The following LRRC74A variants were observed in gnomAD, a reference collection of about 807,000 sequenced individuals.
LRRC74A encodes the protein leucine rich repeat containing 74A.
In LRRC74A, 44 loss-of-function variants were observed where a neutral mutation model predicts 57.9. That is an observed-to-expected ratio of 0.76 (90% CI 0.60 to 0.98). LRRC74A has a LOEUF of 0.98. LRRC74A is among the 50% of genes least tolerant of loss of function. The probability of loss-of-function intolerance (pLI) is 0.00; values close to 1 mark genes in which losing one functional copy is unlikely to be tolerated. For missense variants in LRRC74A, 572 were observed against 574.0 expected (o/e 1.00, Z 0.04); for synonymous variants, 211 against 219.4 (o/e 0.96, Z 0.34).
intron 5 of LRRC74A, 22 bp from the exon 6 acceptor site, chr14:76,844,401 T>G (rs188020917): frequency 6.2e-7 from 1 of 1,610,584 alleles, no homozygotes; most frequent in South Asian, 1.1e-5. Flanking sequence ...AGTGCATCAC[T>G]GACACACCAC....
intron 9 of LRRC74A, 64 bp from the exon 10 acceptor site, chr14:76,857,316 C>A: frequency 2.0e-6 from 2 of 994,038 alleles, no homozygotes; most frequent in Non-Finnish European, 3.1e-6. Flanking sequence ...GATGTAGAAA[C>A]TGTGCTCTGG....
At chr14:76,837,302 A>C (rs150463246) in intron 4 of LRRC74A, among the ~76,000 whole-genome samples, 23 of 150,756 alleles carry the variant, frequency 1.5e-4, no homozygotes, top group Non-Finnish European at 4.5e-5. Context: ...GCCACTGGAC[A>C]CTGAAAAACG....
At chr14:76,831,540 CT>C (rs1490848991) in intron 3 of LRRC74A, among the ~76,000 whole-genome samples, 165 bp downstream of exon 3, 11 of 152,106 alleles carry the variant, frequency 7.2e-5, no homozygotes, top group African/African-American at 2.7e-4. Context: ...ATTTATTTAG[CT>C]CCTGGTAGGA....
chr14:76,826,640 G>A lies in LRRC74A; in HGVS notation c.-58G>A. The A allele has an allele frequency of 6.2e-7, 1 of 1,608,214 alleles. No homozygotes were observed. Among genetic ancestry groups the A allele is most frequent in the Non-Finnish European group, 8.5e-7 (1 of 1,177,566 alleles). On this transcript the variant is annotated 5_prime_UTR_variant, in exon 1 of 14. Transcript: ENST00000689127. ...GTGAATGGACAGGTGTGCTTCTTAG[G>A]GAAGCAGTCGAGAGGTGGCAAGAAG...
chr14:76,869,602 C>T (rs1426993278), intron 13 of LRRC74A, among the ~76,000 whole-genome samples: 1 of 151,762 alleles, frequency 6.6e-6, no homozygotes, highest in Non-Finnish European at 1.5e-5. Flanking sequence ...AAACACAAAA[C>T]TTAGTGAAAA....
rs545920922 is a variant in LRRC74A, at chr14:76,830,120, G to A, written c.167-1083G>A. Reference sequence around the variant, plus strand: ...ACCTGCAGTGCTGAGGCTGAGAAGCGCTGCTGTACAAGCGTCCCAAAGAGA... The same window carrying A: ...ACCTGCAGTGCTGAGGCTGAGAAGCACTGCTGTACAAGCGTCCCAAAGAGA... On this transcript the variant is annotated intron_variant, in intron 2 of 13. Coordinates refer to ENST00000689127, the MANE Select transcript of LRRC74A (RefSeq NM_001385106.1). Among the ~76,000 whole-genome samples the A allele has an allele frequency of 5.9e-5, 9 of 152,318 alleles. No homozygotes were observed. The East Asian group carries it at 1.3e-3, about 23-fold the overall frequency.
intron 7 of LRRC74A, among the ~76,000 whole-genome samples, chr14:76,851,714 G>A (rs1429867012): frequency 1.3e-5 from 2 of 148,606 alleles, no homozygotes; most frequent in East Asian, 4.0e-4. Flanking sequence ...TCGCCAGGCT[G>A]GAGTGCAGTG....
intron 5 of LRRC74A, 22 bp from the exon 6 acceptor site, chr14:76,844,401 T>C (rs188020917): frequency 6.2e-7 from 1 of 1,610,584 alleles, no homozygotes; most frequent in Non-Finnish European, 8.5e-7. Flanking sequence ...AGTGCATCAC[T>C]GACACACCAC....
At chr14:76,862,508 G>C (rs1296996031) in intron 11 of LRRC74A, among the ~76,000 whole-genome samples, 1 of 149,864 alleles carries the variant, frequency 6.7e-6, no homozygotes, top group Non-Finnish European at 1.5e-5. Flanking sequence ...CTGCACTCCA[G>C]CCTGGGCAAC....
intron 11 of LRRC74A, among the ~76,000 whole-genome samples, chr14:76,863,185 A>AGTGTGTGAGTGTGTGT (rs1555369211): frequency 3.4e-5 from 5 of 145,206 alleles, no homozygotes; most frequent in Non-Finnish European, 6.0e-5. Context: ...CATGCATGTG[A>AGTGTGTGAGTGTGTGT]GTGTGTGTGT....
At chr14:76,861,681 A>G (rs747077671) in intron 11 of LRRC74A, among the ~76,000 whole-genome samples, 8 of 152,220 alleles carry the variant, frequency 5.3e-5, no homozygotes, top group Non-Finnish European at 8.8e-5. Context: ...GCCGAAAGGG[A>G]TGTTATTGCT....
chr14:76,847,008 C>T (rs1321065581), intron 7 of LRRC74A, among the ~76,000 whole-genome samples: 2 of 152,006 alleles, frequency 1.3e-5, no homozygotes, highest in African/African-American at 2.4e-5. Context: ...AGGTGGCCGT[C>T]GAACTGACCT....
intron 7 of LRRC74A, among the ~76,000 whole-genome samples, chr14:76,848,132 G>A (rs1312674951): frequency 6.8e-6 from 1 of 146,832 alleles, no homozygotes; most frequent in Middle Eastern, 3.3e-3. Flanking sequence ...GAGATCCTGG[G>A]GTGGGGGGAG....
At chr14:76,843,514 G>T (rs2140278765) in intron 5 of LRRC74A, among the ~76,000 whole-genome samples, 1 of 152,164 alleles carries the variant, frequency 6.6e-6, no homozygotes, top group South Asian at 2.1e-4. Context: ...ATAGACTCTA[G>T]GCACTAGGCT....
intron 3 of LRRC74A, among the ~76,000 whole-genome samples, chr14:76,832,832 A>G (rs1896063983): frequency 6.6e-6 from 1 of 152,142 alleles, no homozygotes; most frequent in Non-Finnish European, 1.5e-5. Flanking sequence ...TTATCTGCAG[A>G]GCAGTGAAAA....
At chr14:76,836,365 A>G in intron 4 of LRRC74A, 51 bp downstream of exon 4, 2 of 1,376,410 alleles carry the variant, frequency 1.5e-6, no homozygotes, top group East Asian at 2.4e-5. Context: ...GGGATTCACA[A>G]CCCACTGGAG....
intron 5 of LRRC74A, among the ~76,000 whole-genome samples, chr14:76,844,119 C>T (rs142130171): frequency 1.5e-3 from 232 of 152,328 alleles, no homozygotes; most frequent in African/African-American, 5.4e-3. Context: ...CCACCTCAGC[C>T]TCCAAAGTAG....
At chr14:76,847,653 A>G (rs1432356397) in intron 7 of LRRC74A, among the ~76,000 whole-genome samples, 1 of 152,006 alleles carries the variant, frequency 6.6e-6, no homozygotes, top group East Asian at 1.9e-4. Flanking sequence ...TTACCTATAT[A>G]ACAAACCTGC....
chr14:76,851,711 G>A (rs1048424627), intron 7 of LRRC74A, among the ~76,000 whole-genome samples: 2 of 147,582 alleles, frequency 1.4e-5, no homozygotes, highest in African/African-American at 5.0e-5. Flanking sequence ...CTGTCGCCAG[G>A]CTGGAGTGCA....
Sources: allele counts gnomAD v4.1 joint callset (sites outside exome capture counted in the v4.1 genomes callset), GRCh38; gene constraint gnomAD v4.1.1; transcripts MANE v1.5; gene names NCBI Gene and HGNC (gene_info 2026-07-23, HGNC 2026-07-21).